UPF2: variants seen among roughly 807,000 people sequenced by gnomAD.
The protein encoded by UPF2 is regulator of nonsense transcripts 2.
Under a neutral mutation model 141.4 loss-of-function variants are expected in UPF2, and 17 were observed. The observed-to-expected ratio is 0.12, with a 90% CI of 0.08 to 0.18. The LOEUF (loss-of-function observed/expected upper bound fraction) is 0.18, where lower values mean the gene tolerates loss of function less well. UPF2 is among the 10% of genes least tolerant of loss of function. The pLI is 1.00. For missense variants in UPF2, 1,152 were observed against 1,515.9 expected, an observed-to-expected ratio of 0.76 and a Z score of 3.99; for synonymous variants, 540 against 498.0, an observed-to-expected ratio of 1.08 and a Z score of -1.12.
At chr10:11,969,717 G>C (rs989753832) in intron 9 of UPF2, among the ~76,000 whole-genome samples, 1 of 152,144 alleles carries the variant, frequency 6.6e-6, no homozygotes, top group Non-Finnish European at 1.5e-5. Context: ...TGAGCTTCGA[G>C]GATTGATTGA....
chr10:11,962,629 C>T (rs898609942), intron 11 of UPF2, among the ~76,000 whole-genome samples: 2 of 152,138 alleles, frequency 1.3e-5, no homozygotes, highest in African/African-American at 2.4e-5. Context: ...CAGCAGTTAT[C>T]GCCTCCATAC....
intron 17 of UPF2, 87 bp downstream of exon 17, chr10:11,942,977 A>G: frequency 1.1e-5 from 11 of 1,006,316 alleles, no homozygotes; most frequent in Non-Finnish European, 1.6e-5. Context: ...CATAATCAAA[A>G]GAAACAAATT....
chr10:11,928,085 G>A (rs968866322), intron 21 of UPF2, among the ~76,000 whole-genome samples: 3 of 152,160 alleles, frequency 2.0e-5, no homozygotes, highest in Non-Finnish European at 4.4e-5. Context: ...TAACTTAACC[G>A]CAAGACAAAA....
Position 11,997,762 on chromosome 10 carries a change from T to A in UPF2, c.1759-5A>T. 6.2e-7 allele frequency: 1 copy of A among 1,613,652 alleles called. No homozygotes were observed. The highest frequency in any genetic ancestry group is 8.5e-7 in the Non-Finnish European group (1 of 1,179,752). ...CATGCAAAAATCCATTGCTGCCTAT[T>A]GGGAAAAAGTAAACTTTTTCTTTAA... On this transcript the variant is annotated splice_polypyrimidine_tract_variant and splice_region_variant and intron_variant, in intron 7 of 21. Transcript: ENST00000357604.
chr10:11,998,224 C>A lies in UPF2; in HGVS notation c.1759-467G>T, dbSNP rs1833894973. On this transcript the variant is annotated intron_variant, in intron 7 of 21. Coordinates refer to ENST00000357604, the MANE Select transcript of UPF2 (RefSeq NM_015542.4). The surrounding 1 kb of genome is among the most constrained non-coding windows in gnomAD (Gnocchi z 4.5). ...CTCAGTGAAGGTCTCTCTGACCAAC[C>A]CTTGTTTCTCTTCACAAGTGCAGGA... Among the ~76,000 whole-genome samples the A allele has an allele frequency of 1.3e-5, 2 of 152,106 alleles. No homozygotes were observed. The highest frequency in any genetic ancestry group is 2.9e-5 in the Non-Finnish European group (2 of 68,026).
At chr10:11,930,708 G>A (rs1832772880) in intron 20 of UPF2, among the ~76,000 whole-genome samples, 2 of 152,176 alleles carry the variant, frequency 1.3e-5, no homozygotes, top group Admixed American at 1.3e-4. Context: ...TTGAGCCCAG[G>A]AGTTTGAGGC....
At chr10:11,944,991 G>C (rs1832982937) in intron 16 of UPF2, among the ~76,000 whole-genome samples, 2 of 152,214 alleles carry the variant, frequency 1.3e-5, no homozygotes, top group South Asian at 2.1e-4. Context: ...CCCACCTACT[G>C]CAAGGGTAGT....
chr10:11,943,285 T>C, intron 16 of UPF2, 117 bp from the exon 17 acceptor site: 4 of 908,678 alleles, frequency 4.4e-6, no homozygotes, highest in Non-Finnish European at 6.6e-6. Context: ...AAGTTTTAGC[T>C]CTTTAGGTAG....
intron 8 of UPF2, among the ~76,000 whole-genome samples, chr10:11,984,517 G>C (rs529006207): frequency 6.6e-6 from 1 of 151,940 alleles, no homozygotes; most frequent in Non-Finnish European, 1.5e-5. Flanking sequence ...AACAAAGTTT[G>C]TGATAAAACA....
At chr10:11,970,711 C>G (rs1833402011) in intron 9 of UPF2, among the ~76,000 whole-genome samples, 1 of 152,130 alleles carries the variant, frequency 6.6e-6, no homozygotes, top group African/African-American at 2.4e-5. Context: ...ACTCGGGAGG[C>G]TGAGGCACAA....
chr10:11,932,169 G>A (rs1254017327), intron 19 of UPF2, among the ~76,000 whole-genome samples: 1 of 151,552 alleles, frequency 6.6e-6, no homozygotes, highest in African/African-American at 2.4e-5. Context: ...AAAAAAGGTA[G>A]ATAGATAATT....
At chr10:11,999,823 G>T in intron 7 of UPF2, 83 bp downstream of exon 7, 2 of 1,144,750 alleles carry the variant, frequency 1.7e-6, no homozygotes, top group Non-Finnish European at 2.6e-6. Context: ...AGCTCAAACA[G>T]TCTAAAAACC....
chr10:12,007,820 G>A (rs1834059166), intron 4 of UPF2, among the ~76,000 whole-genome samples: 1 of 140,438 alleles, frequency 7.1e-6, no homozygotes, highest in Admixed American at 7.7e-5. Context: ...AACACAGCAA[G>A]GCGCCGTCTC....
chr10:11,942,168 G>C (rs1385610460), intron 18 of UPF2, among the ~76,000 whole-genome samples: 1 of 152,166 alleles, frequency 6.6e-6, no homozygotes, highest in African/African-American at 2.4e-5. Flanking sequence ...GAGGTCAGGA[G>C]GTCGAGACCA....
intron 9 of UPF2, among the ~76,000 whole-genome samples, chr10:11,975,223 T>C (rs1833486946): frequency 6.6e-6 from 1 of 152,118 alleles, no homozygotes; most frequent in African/African-American, 2.4e-5. Context: ...ATCATGCCAC[T>C]GCACTCCACC....
At chr10:11,948,272 CAGG>C in intron 16 of UPF2, 94 bp downstream of exon 16, 1 of 891,084 alleles carries the variant, frequency 1.1e-6, no homozygotes, top group Non-Finnish European at 1.6e-6. Flanking sequence ...AAAAAAAAAC[CAGG>C]AGGAGGTCTT....
rs1198801427 is a variant in UPF2 at position 11,980,314 on chromosome 10, C to G, written c.1845-1149G>C. ...AGAAGTAATGAGCAACTGATAAAAG[C>G]AGCTTAACTGACAGCAGCAAATAAT... On this transcript the variant is annotated intron_variant, in intron 8 of 21. Coordinates refer to ENST00000357604, the MANE Select transcript of UPF2 (RefSeq NM_015542.4). The surrounding 1 kb of genome is among the most constrained non-coding windows in gnomAD (Gnocchi z 4.2). Among the ~76,000 whole-genome samples, 1 of 152,202 alleles carries G rather than the reference C, an allele frequency of 6.6e-6. No homozygotes were observed. The highest frequency in any genetic ancestry group is 1.5e-5 in the Non-Finnish European group (1 of 68,048).
At chr10:11,971,024 T>C (rs1833408345) in intron 9 of UPF2, among the ~76,000 whole-genome samples, 1 of 152,018 alleles carries the variant, frequency 6.6e-6, no homozygotes, top group South Asian at 2.1e-4. Context: ...TCCTGTATCA[T>C]CCACATCATA....
intron 17 of UPF2, 144 bp from the exon 18 acceptor site, chr10:11,942,907 G>T (rs994458838): frequency 6.7e-5 from 61 of 911,740 alleles, no homozygotes; most frequent in Non-Finnish European, 1.0e-4. Context: ...AATGTTAAAA[G>T]AATTTAAAGA....
Sources: gnomAD v4.1 joint callset for allele counts (sites outside exome capture counted in the v4.1 genomes callset) on GRCh38, gnomAD v4.1.1 for gene constraint, Gnocchi (gnomAD v3.1) non-coding constraint, MANE v1.5 for transcripts, NCBI Gene and HGNC (gene_info 2026-07-23, HGNC 2026-07-21) for gene names.